Variants in C1QTNF7 observed in about 807,000 individuals in gnomAD.
C1QTNF7 encodes complement C1q tumor necrosis factor-related protein 7.
In C1QTNF7, 15 loss-of-function variants were observed where a neutral mutation model predicts 19.6. The ratio of observed to expected loss-of-function variants is 0.76; its 90% CI spans 0.51 to 1.18. The LOEUF is 1.18. Ranked by LOEUF, C1QTNF7 falls within the 50% of genes most tolerant of loss-of-function variation. C1QTNF7 has a pLI of 0.00. For synonymous variants in C1QTNF7, 142 were observed against 137.5 expected, an observed-to-expected ratio of 1.03 and a Z score of -0.23; for missense variants, 324 against 359.7, an observed-to-expected ratio of 0.90 and a Z score of 0.80.
chr4:15,343,039 A>G (rs919440307), intron 1 of C1QTNF7, among the ~76,000 whole-genome samples: 2 of 152,216 alleles, frequency 1.3e-5, no homozygotes, highest in African/African-American at 4.8e-5. Flanking sequence ...GTCTACTATC[A>G]AAATGCCTGA....
chr4:15,382,109 A>G (rs765605132), intron 1 of C1QTNF7, among the ~76,000 whole-genome samples: 27 of 152,270 alleles, frequency 1.8e-4, no homozygotes, highest in Non-Finnish European at 3.2e-4. Flanking sequence ...AATTTGTGCA[A>G]TTTGTTCTGT....
At chr4:15,376,182 C>G (rs1237789015) in intron 1 of C1QTNF7, among the ~76,000 whole-genome samples, 1 of 152,240 alleles carries the variant, frequency 6.6e-6, no homozygotes, top group African/African-American at 2.4e-5. Flanking sequence ...AGTTTTTATG[C>G]AGCCCAAGTG....
chr4:15,354,783 AT>A (rs1185979784), intron 1 of C1QTNF7, among the ~76,000 whole-genome samples: 3 of 151,894 alleles, frequency 2.0e-5, no homozygotes, highest in Admixed American at 6.6e-5. Flanking sequence ...AAAAAGTAAG[AT>A]TTTTTTTCCT....
At chr4:15,423,795 C>A (rs1288399073), upstream of C1QTNF7, among the ~76,000 whole-genome samples, 6 of 152,294 alleles carry the variant, frequency 3.9e-5, no homozygotes, top group Non-Finnish European at 8.8e-5. Context: ...GTTTTCCTGC[C>A]CTTCTGCCAG....
intron 1 of C1QTNF7, among the ~76,000 whole-genome samples, chr4:15,379,153 T>A (rs1718049507): frequency 6.6e-6 from 1 of 152,196 alleles, no homozygotes; most frequent in Non-Finnish European, 1.5e-5. Flanking sequence ...GCAAAGCACA[T>A]TTTTTTAATA....
chr4:15,395,674 T>C (rs755434449), intron 1 of C1QTNF7, among the ~76,000 whole-genome samples: 1 of 151,530 alleles, frequency 6.6e-6, no homozygotes, highest in Non-Finnish European at 1.5e-5. Context: ...CGAGGGAGGG[T>C]CCATTGTTCA....
intron 1 of C1QTNF7, among the ~76,000 whole-genome samples, chr4:15,354,130 G>A (rs964804913): frequency 6.6e-6 from 1 of 152,102 alleles, no homozygotes; most frequent in Non-Finnish European, 1.5e-5. Flanking sequence ...AGGCTCAGAG[G>A]TCTCACACTT....
chr4:15,392,760 T>A (rs1374342791), intron 1 of C1QTNF7, among the ~76,000 whole-genome samples: 2 of 152,128 alleles, frequency 1.3e-5, no homozygotes, highest in Non-Finnish European at 2.9e-5. Context: ...AAAACACCAA[T>A]AATTATGATA....
chr4:15,354,000 A>G (rs1413636593), intron 1 of C1QTNF7, among the ~76,000 whole-genome samples: 2 of 152,024 alleles, frequency 1.3e-5, no homozygotes, highest in African/African-American at 4.8e-5. Context: ...GTCAAGGTGC[A>G]CTGCAGTATT....
upstream of C1QTNF7, chr4:15,427,646 C>T (rs890837724): frequency 6.6e-6 from 1 of 152,186 alleles, no homozygotes; most frequent in East Asian, 1.9e-4. Context: ...AAAGGCTCTA[C>T]CTCCAAAACT....
intron 1 of C1QTNF7, among the ~76,000 whole-genome samples, chr4:15,344,395 G>A (rs1214703294): frequency 6.6e-6 from 1 of 152,210 alleles, no homozygotes; most frequent in Non-Finnish European, 1.5e-5. Context: ...GACAGCAGCA[G>A]TGGTTGCTCA....
At chr4:15,395,635 G>A (rs1358457414) in intron 1 of C1QTNF7, among the ~76,000 whole-genome samples, 7 of 152,154 alleles carry the variant, frequency 4.6e-5, no homozygotes, top group Non-Finnish European at 2.9e-5. Flanking sequence ...GGAGCTGGGG[G>A]ATAGTGAGAA....
chr4:15,357,139 G>A (rs565025759), intron 1 of C1QTNF7, among the ~76,000 whole-genome samples: 120 of 152,134 alleles, frequency 7.9e-4, no homozygotes, highest in African/African-American at 2.4e-3. Context: ...TGTTACCATT[G>A]CTTTTGGTGT....
intron 1 of C1QTNF7, among the ~76,000 whole-genome samples, chr4:15,365,550 T>C (rs1458291569): frequency 6.6e-6 from 1 of 152,196 alleles, no homozygotes; most frequent in Non-Finnish European, 1.5e-5. Flanking sequence ...ACAACTCTTT[T>C]GGTTGCACAT....
At chr4:15,355,856 TTTTG>T (rs779416189) in intron 1 of C1QTNF7, among the ~76,000 whole-genome samples, 3 of 151,998 alleles carry the variant, frequency 2.0e-5, no homozygotes, top group Non-Finnish European at 2.9e-5. Flanking sequence ...AGCAACAGTA[TTTTG>T]TTTGTTTGTT....
At chr4:15,422,050 G>A (rs1398924997) in intron 1 of C1QTNF7, among the ~76,000 whole-genome samples, 1 of 151,996 alleles carries the variant, frequency 6.6e-6, no homozygotes, top group African/African-American at 2.4e-5. Flanking sequence ...ACTACAAAGG[G>A]ACATAAGGGA....
chr4:15,360,673 T>C (rs903672005), intron 1 of C1QTNF7, among the ~76,000 whole-genome samples: 1 of 152,088 alleles, frequency 6.6e-6, no homozygotes, highest in African/African-American at 2.4e-5. Flanking sequence ...TTGTTTACAG[T>C]GTGAGAGCTG....
intron 1 of C1QTNF7, among the ~76,000 whole-genome samples, chr4:15,390,742 C>G (rs1051033712): frequency 2.0e-5 from 3 of 152,146 alleles, no homozygotes; most frequent in African/African-American, 4.8e-5. Flanking sequence ...CCAGACTTCC[C>G]TGAACACTCA....
At chr4:15,370,563 T>C (rs1717684891) in intron 1 of C1QTNF7, among the ~76,000 whole-genome samples, 1 of 152,186 alleles carries the variant, frequency 6.6e-6, no homozygotes, top group Non-Finnish European at 1.5e-5. Context: ...CCAGGGATGG[T>C]GCTGAGTTGA....
Sources: gnomAD v4.1 joint callset for allele counts (sites outside exome capture counted in the v4.1 genomes callset) on GRCh38, gnomAD v4.1.1 for gene constraint, MANE v1.5 for transcripts, NCBI Gene and HGNC (gene_info 2026-07-23, HGNC 2026-07-21) for gene names.